LRRC37B: variants seen among roughly 807,000 people sequenced by gnomAD.
LRRC37B encodes the protein leucine-rich repeat-containing protein 37B.
In LRRC37B, 28 loss-of-function variants were observed where a neutral mutation model predicts 98.3. That is an observed-to-expected ratio of 0.28 (90% CI 0.21 to 0.39). LRRC37B has a LOEUF of 0.39. LRRC37B is among the 10% of genes least tolerant of loss of function. The pLI is 1.00. For missense variants in LRRC37B, 938 were observed against 1,182.7 expected, an observed-to-expected ratio of 0.79 and a Z score of 3.03; for synonymous variants, 364 against 442.7, an observed-to-expected ratio of 0.82 and a Z score of 2.23.
At chr17:32,012,543 C>G (rs1367437693) in intron 1 of LRRC37B, among the ~76,000 whole-genome samples, 1 of 150,190 alleles carries the variant, frequency 6.7e-6, no homozygotes, top group Non-Finnish European at 1.5e-5. Context: ...ATGGCGAAAC[C>G]CCGTCTCTAC....
At chr17:32,038,421 C>T (rs1211548850) in intron 7 of LRRC37B, among the ~76,000 whole-genome samples, 17 of 150,186 alleles carry the variant, frequency 1.1e-4, no homozygotes, top group African/African-American at 3.4e-4. Context: ...TGATCACCAC[C>T]GCACTCCAGC....
chr17:32,041,577 C>T (rs761963063), intron 7 of LRRC37B: 40 of 483,006 alleles, frequency 8.3e-5, no homozygotes, highest in Non-Finnish European at 1.2e-4. Flanking sequence ...GTGGCACCCC[C>T]GCCAGGTCTC....
At chr17:32,027,409 G>T (rs989211418) in intron 2 of LRRC37B, among the ~76,000 whole-genome samples, 4 of 150,234 alleles carry the variant, frequency 2.7e-5, no homozygotes, top group Non-Finnish European at 5.9e-5. Context: ...GTGTGTGCTT[G>T]CAAGTGTGTG....
At chr17:32,022,174 T>A in exon 1 of LRRC37B, 6 of 1,613,466 alleles carry the variant, frequency 3.7e-6, no homozygotes, top group Admixed American at 3.3e-5. Context: ...AAGTTTACAG[T>A]CAAACCTGCA....
exon 7 of LRRC37B, chr17:32,035,590 C>T: frequency 6.2e-7 from 1 of 1,612,590 alleles, no homozygotes. Flanking sequence ...ACACATCACA[C>T]TTACAACACT....
At chr17:32,039,679 A>G (rs1598210898) in intron 7 of LRRC37B, among the ~76,000 whole-genome samples, 2 of 147,456 alleles carry the variant, frequency 1.4e-5, no homozygotes, top group African/African-American at 5.0e-5. Context: ...TTGTGCCACC[A>G]CCACCCCCCA....
At chr17:32,045,626 G>T (rs1598213697) in intron 7 of LRRC37B, 74 bp from the exon 11 acceptor site, 1 of 1,551,052 alleles carries the variant, frequency 6.4e-7, no homozygotes, top group Non-Finnish European at 8.8e-7. Flanking sequence ...CCCTGTGGTA[G>T]CGTTGGCTGC....
chr17:32,037,024 A>G (rs1911265878), intron 7 of LRRC37B, among the ~76,000 whole-genome samples: 1 of 113,390 alleles, frequency 8.8e-6, no homozygotes, highest in South Asian at 2.7e-4. Flanking sequence ...GTCTTGCTCT[A>G]TCCCCAGGCT....
chr17:32,025,644 A>T (rs905269327), intron 2 of LRRC37B, among the ~76,000 whole-genome samples: 1 of 152,206 alleles, frequency 6.6e-6, no homozygotes, highest in African/African-American at 2.4e-5. Context: ...GGGTCACCCC[A>T]TTCATTTAAA....
chr17:32,010,774 A>G (rs1259155120), intron 1 of LRRC37B, among the ~76,000 whole-genome samples: 1 of 152,174 alleles, frequency 6.6e-6, no homozygotes, highest in African/African-American at 2.4e-5. Flanking sequence ...CCATCAATCA[A>G]CTTGTCTTCA....
At chr17:32,020,434 G>A (rs1332351768), upstream of LRRC37B, among the ~76,000 whole-genome samples, 2 of 152,064 alleles carry the variant, frequency 1.3e-5, no homozygotes, top group African/African-American at 4.8e-5. Context: ...GTTAAGGCAG[G>A]ATGACAGTTC....
intron 1 of LRRC37B, 101 bp downstream of exon 4, chr17:32,022,926 T>G: frequency 8.9e-7 from 1 of 1,124,496 alleles, no homozygotes; most frequent in South Asian, 1.3e-5. Flanking sequence ...CAAGCCATAC[T>G]GACAAGTGAC....
chr17:32,051,127 T>G (rs1462416465), intron 11 of LRRC37B: 1 of 152,182 alleles, frequency 6.6e-6, no homozygotes, highest in Non-Finnish European at 1.5e-5. Context: ...TATTTCACTC[T>G]GCCTGTGGGA....
chr17:32,048,907 A>G, intron 9 of LRRC37B, 195 bp from the exon 13 acceptor site: 2 of 1,486,972 alleles, frequency 1.3e-6, no homozygotes, highest in Non-Finnish European at 1.9e-6. Flanking sequence ...TAAAAGACAC[A>G]AAAGAGATGT....
exon 1 of LRRC37B, chr17:32,021,440 G>T: frequency 6.2e-7 from 1 of 1,613,932 alleles, no homozygotes; most frequent in Non-Finnish European, 8.5e-7. Flanking sequence ...CTCCATTCCT[G>T]AAGGAATTGG....
chr17:32,021,992 A>G (rs1910807139), exon 1 of LRRC37B: 8 of 1,613,996 alleles, frequency 5.0e-6, no homozygotes, highest in Non-Finnish European at 6.8e-6. Context: ...CACTCCAGGA[A>G]GAAGCCCCAG....
intron 2 of LRRC37B, among the ~76,000 whole-genome samples, chr17:32,027,460 T>G (rs1426922818): frequency 7.1e-6 from 1 of 141,222 alleles, no homozygotes; most frequent in Non-Finnish European, 1.5e-5. Flanking sequence ...TGTGTGTGTG[T>G]GTGCTTGCCT....
Position 32,037,879 on chromosome 17 carries a change from G to A in LRRC37B, c.2204+2240G>A, listed in dbSNP as rs558919537. ...TCCCAGTACTTTGGGAGGCCAAGGC[G>A]GGTGGATCACAAGGTCAGGAGATCA... On this transcript the variant is annotated intron_variant, in intron 7 of 11. Transcript: ENST00000327564. Among the ~76,000 whole-genome samples, 210 of 151,874 alleles carry A rather than the reference G, an allele frequency of 1.4e-3. 1 individual carries two copies. Among genetic ancestry groups the A allele is most frequent in the African/African-American group, 4.6e-3 (192 of 41,436 alleles).
intron 7 of LRRC37B, among the ~76,000 whole-genome samples, chr17:32,037,248 T>C (rs1911274194): frequency 6.6e-6 from 1 of 152,084 alleles, no homozygotes; most frequent in African/African-American, 2.4e-5. Flanking sequence ...CCCAAAGTGC[T>C]GTGGTTACAG....
Sources: gnomAD v4.1 joint callset for allele counts (sites outside exome capture counted in the v4.1 genomes callset) on GRCh38, gnomAD v4.1.1 for gene constraint, MANE v1.5 for transcripts, NCBI Gene and HGNC (gene_info 2026-07-23, HGNC 2026-07-21) for gene names.